The following ASPDH variants were observed in gnomAD, a reference collection of about 807,000 sequenced individuals.
ASPDH encodes the protein aspartate dehydrogenase domain containing.
A neutral mutation model predicts 30.5 loss-of-function variants in ASPDH; 25 were observed. That is an observed-to-expected ratio of 0.82 (90% CI 0.60 to 1.14). ASPDH has a LOEUF of 1.14. ASPDH is among the 50% of genes most tolerant of loss of function. ASPDH has a pLI of 0.00. For synonymous variants in ASPDH, 168 were observed against 156.3 expected, an observed-to-expected ratio of 1.07 and a Z score of -0.56; for missense variants, 401 against 381.5, an observed-to-expected ratio of 1.05 and a Z score of -0.43.
Position 50,511,753 on chromosome 19 carries a change from T to G in ASPDH, c.829A>C (p.Arg277=), listed in dbSNP as rs570526474. ...TCTCAGCAGAGATGGATCCCCGGCCTGGAGGGGAGCTGGCAGCAGGCTGCG... is the reference window on the plus strand; with the variant it reads ...TCTCAGCAGAGATGGATCCCCGGCCGGGAGGGGAGCTGGCAGCAGGCTGCG... ...SLLACCQLPS[R]PGIHLC is the part of the protein sequence containing the mutation. Residue 277 remains arginine (R), a synonymous_variant, in exon 7 of 7, where the codon AGG becomes CGG. Transcript: ENST00000389208. 7 of 1,305,094 alleles carry G rather than the reference T, an allele frequency of 5.4e-6. No individual in the cohort carries two copies. The South Asian group carries it at 1.6e-4, about 29-fold the overall frequency. 80.8% of individuals were successfully genotyped at this position (1,305,094 alleles called of 1,614,324 possible).
rs1304988105 is a variant in ASPDH, at chr19:50,512,989, C to G, written c.220G>C (p.Val74Leu). The stretch of plus-strand genomic sequence containing the variant: ...TCATGGATTATTTTGGGATGGGCCA[C>G]TTCCACAACCAGATCAGGGCGCCTG... Reference protein sequence around the residue: ...GERRPDLVVEVAHPKIIHESG... With the variant: ...GERRPDLVVELAHPKIIHESG... Residue 74 changes from valine (V) to leucine (L), a missense_variant, in exon 3 of 7, where the codon GTG (valine) becomes CTG (leucine). Coordinates refer to ENST00000389208, the MANE Select transcript of ASPDH (RefSeq NM_001114598.2). The G allele has an allele frequency of 6.2e-7, 1 of 1,613,574 alleles. No homozygotes were observed. Among genetic ancestry groups the G allele is most frequent in the Admixed American group, 1.7e-5 (1 of 59,912 alleles).
In ASPDH at chr19:50,512,719, C is replaced by A. The variant is rs1374328396; in HGVS notation, c.374G>T (p.Arg125Leu). The change falls in exon 4 of 7, where the codon CGA becomes CTA. Residue 125 changes from arginine (R) to leucine (L), a missense_variant. Physicochemically the swap from Arg to Leu is moderately radical, Grantham distance 102. Coordinates refer to ENST00000389208, the MANE Select transcript of ASPDH (RefSeq NM_001114598.2). ...GTCCTCAGCGCCCCACAGGGCCCCT[C>A]GGGCCACAAACACGGCGTGGTCCCA... ...QHWDHAVFVA[R>L]GALWGAEDIR... 1 of 1,552,252 alleles carries A rather than the reference C, an allele frequency of 6.4e-7. No homozygotes were observed. Among genetic ancestry groups the A allele is most frequent in the East Asian group, 2.4e-5 (1 of 41,032 alleles).
At position 50,513,333 on chromosome 19, in the gene ASPDH, G is replaced by T; in HGVS notation, c.136C>A (p.Arg46=). 1 of 1,540,216 alleles carries T rather than the reference G, an allele frequency of 6.5e-7. No individual in the cohort carries two copies. Among genetic ancestry groups the T allele is most frequent in the Non-Finnish European group, 8.8e-7 (1 of 1,142,084 alleles). Residue 46 remains arginine (R), a synonymous_variant, in exon 2 of 7, where the codon CGA becomes AGA. Transcript: ENST00000389208. This position sits in a 1 kb window ranked among gnomAD's most constrained non-coding sequence, Gnocchi z 4.9. ...GAAGGGGGCACGCTCCCTGCCATTCGTCCTGGGTCACGATTCCAGACAAAA... is the reference window on the plus strand; with the variant it reads ...GAAGGGGGCACGCTCCCTGCCATTCTTCCTGGGTCACGATTCCAGACAAAA... The part of the protein sequence containing the change: ...LVFVWNRDPG[R]MAGSVPPSLQ...
At chr19:50,514,003 T>C, upstream of ASPDH, 1 of 695,404 alleles carries the variant, frequency 1.4e-6, no homozygotes, top group South Asian at 2.0e-5. Flanking sequence ...GGGAGAACCC[T>C]TCCCTGTGCT....
In ASPDH at chr19:50,512,190, G is replaced by A; in HGVS notation, c.754C>T (p.Pro252Ser). The A allele has an allele frequency of 6.2e-7, 1 of 1,604,892 alleles. No homozygotes were observed. Among genetic ancestry groups the A allele is most frequent in the Non-Finnish European group, 8.5e-7 (1 of 1,177,736 alleles). The change falls in exon 6 of 7, where the codon CCA becomes TCA. Residue 252 changes from proline (P) to serine (S), a missense_variant. Physicochemically the swap from Pro to Ser is moderately conservative, Grantham distance 74 (BLOSUM62 -1). Coordinates refer to ENST00000389208, the MANE Select transcript of ASPDH (RefSeq NM_001114598.2). Reference protein sequence around the residue: ...VHTRRENPAEPGAVTGSATVT... With the variant: ...VHTRRENPAESGAVTGSATVT... ...GTGGCGGAGCCGGTGACCGCGCCTG[G>A]CTCGGCAGGGTTCTCTCTGCGGGTG...
chr19:50,514,420 C>G (rs1039550564), upstream of ASPDH: 5 of 1,611,520 alleles, frequency 3.1e-6, no homozygotes, highest in African/African-American at 5.3e-5. Context: ...GGGTCCCCTT[C>G]CCACAGCCTC....
chr19:50,512,472 G>C lies in ASPDH; in HGVS notation c.541C>G (p.Arg181Gly), dbSNP rs1420260170. 1.3e-6 allele frequency: 2 copies of C among 1,596,506 alleles called. No homozygotes were observed. The highest frequency in any genetic ancestry group is 1.7e-6 in the Non-Finnish European group (2 of 1,172,574). Residue 181 changes from arginine (R) to glycine (G), a missense_variant, in exon 5 of 7, where the codon CGT becomes GGT. By Grantham distance (125) the Arg-to-Gly change is moderately radical. Coordinates refer to ENST00000389208, the MANE Select transcript of ASPDH (RefSeq NM_001114598.2). ...CGCGGGGCAAAGGGGCAGAGCCCAC[G>C]GACAGGGCCTTCGTAGAGCACAGTG... ...PCTVLYEGPV[R>G]GLCPFAPRNS...
intron 6 of ASPDH, 52 bp from the exon 7 acceptor site, chr19:50,511,825 G>T: frequency 8.1e-7 from 1 of 1,240,490 alleles, no homozygotes; most frequent in Non-Finnish European, 1.0e-6. Context: ...TGAGGAGACA[G>T]ACGCCTGGGG....
At position 50,513,165 on chromosome 19, in the gene ASPDH, A is replaced by G; in HGVS notation, c.197+107T>C. 1 of 1,308,586 alleles carries G rather than the reference A, an allele frequency of 7.6e-7. No homozygotes were observed. Among genetic ancestry groups the G allele is most frequent in the African/African-American group, 1.5e-5 (1 of 67,028 alleles). 81.1% of individuals were successfully genotyped at this position (1,308,586 alleles called of 1,614,324 possible). A position where few individuals can be genotyped will look rare whatever the true frequency, so the allele number is the denominator to read the frequency against. ...GTTCGTCCTGTTTCACATTTGCTTG[A>G]ACCAAGGCCCAGAGAGGGTCAGGGA... On this transcript the variant is annotated intron_variant, in intron 2 of 6. Coordinates refer to ENST00000389208, the MANE Select transcript of ASPDH (RefSeq NM_001114598.2). The surrounding 1 kb of genome is among the most constrained non-coding windows in gnomAD (Gnocchi z 4.9).
Position 50,511,730 on chromosome 19 carries a change from T to G in ASPDH, c.852A>C (p.Ter284CysextTer?). 7.6e-7 allele frequency: 1 copy of G among 1,309,226 alleles called. No homozygotes were observed. The highest frequency in any genetic ancestry group is 1.5e-5 in the African/African-American group (1 of 64,658). 81.1% of individuals were successfully genotyped at this position (1,309,226 alleles called of 1,614,324 possible). The change falls in exon 7 of 7, where the codon TGA becomes TGC. Residue 284 changes from the stop codon to cysteine, a stop_lost. Coordinates refer to ENST00000389208, the MANE Select transcript of ASPDH (RefSeq NM_001114598.2). ...CTTGTCTCGGGAGGGAGGAGGCTTC[T>G]CAGCAGAGATGGATCCCCGGCCTGG... ...LPSRPGIHLC[*>C] is the part of the protein sequence containing the mutation.
At chr19:50,511,952 A>ACAGAGACTCAGGGGACGCGGACC in intron 6 of ASPDH, 179 bp from the exon 7 acceptor site, 1 of 698,612 alleles carries the variant, frequency 1.4e-6, no homozygotes. Flanking sequence ...AGAGGCGGGC[A>ACAGAGACTCAGGGGACGCGGACC]CAAATGGAGA....
At chr19:50,514,442 A>G, upstream of ASPDH, 2 of 1,613,752 alleles carry the variant, frequency 1.2e-6, no homozygotes, top group South Asian at 1.1e-5. Context: ...GCCCCTGTCC[A>G]CAGCCTCCCT....
upstream of ASPDH, chr19:50,514,553 C>T (rs1483173703): frequency 1.2e-6 from 2 of 1,613,828 alleles, no homozygotes; most frequent in South Asian, 1.1e-5. Flanking sequence ...GCTCCCACGT[C>T]CGTCCCTCCC....
upstream of ASPDH, chr19:50,514,757 C>G: frequency 8.5e-7 from 1 of 1,172,580 alleles, no homozygotes; most frequent in Non-Finnish European, 1.1e-6. Flanking sequence ...CCAGGATTGG[C>G]GCTGGAAGGA....
chr19:50,514,922 CTGA>C (rs1980169955), upstream of ASPDH: 4 of 985,284 alleles, frequency 4.1e-6, no homozygotes, highest in Non-Finnish European at 4.8e-6. Flanking sequence ...GCTGCCGCTG[CTGA>C]TAAGGGAGGA....
At chr19:50,514,054 C>CG (rs1980120699), upstream of ASPDH, among the ~76,000 whole-genome samples, 1 of 152,180 alleles carries the variant, frequency 6.6e-6, no homozygotes, top group Non-Finnish European at 1.5e-5. Flanking sequence ...GCATGGTGAC[C>CG]GGGGGTTCTG....
upstream of ASPDH, chr19:50,514,793 G>A (rs112740287): frequency 1.7e-3 from 2,145 of 1,269,156 alleles, 38 homozygotes; most frequent in African/African-American, 0.03. Context: ...GAGCGTGAAC[G>A]GGAGCATGGG....
rs1980001849 is a variant in ASPDH at position 50,512,515 on chromosome 19, G to A, written c.498C>T (p.Ala166=). Residue 166 remains alanine, a synonymous_variant, in exon 5 of 7, where the codon GCC becomes GCT. Transcript: ENST00000389208. ...GCACAGTGCAAGGCCCAGGGCTGTG[G>A]GCTGCAGCCAGGGGTCCCTCAAGCC... ...GFRLEGPLAA[A]HSPGPCTVLY... is the part of the protein sequence containing the mutation. 2 of 1,540,828 alleles carry A rather than the reference G, an allele frequency of 1.3e-6. No homozygotes were observed. Among genetic ancestry groups the A allele is most frequent in the African/African-American group, 2.7e-5 (2 of 72,780 alleles).
chr19:50,513,161 C>T lies in ASPDH; in HGVS notation c.197+111G>A. On this transcript the variant is annotated intron_variant, in intron 2 of 6. Coordinates refer to ENST00000389208, the MANE Select transcript of ASPDH (RefSeq NM_001114598.2). This position sits in a 1 kb window ranked among gnomAD's most constrained non-coding sequence, Gnocchi z 4.9. ...ATGGGTTCGTCCTGTTTCACATTTG[C>T]TTGAACCAAGGCCCAGAGAGGGTCA... 1.5e-6 allele frequency: 2 copies of T among 1,300,602 alleles called. No individual in the cohort carries two copies. The highest frequency in any genetic ancestry group is 2.1e-6 in the Non-Finnish European group (2 of 960,810). The allele number at this position is 1,300,602 out of a possible 1,614,324, so 80.6% of individuals were successfully genotyped here. A position where few individuals can be genotyped will look rare whatever the true frequency, so the allele number is the denominator to read the frequency against.
Sources: allele counts gnomAD v4.1 joint callset (sites outside exome capture counted in the v4.1 genomes callset), GRCh38; gene constraint gnomAD v4.1.1; non-coding constraint Gnocchi (gnomAD v3.1); transcripts MANE v1.5; gene names NCBI Gene and HGNC (gene_info 2026-07-23, HGNC 2026-07-21).